HSPBAP1: variants seen among roughly 807,000 people sequenced by gnomAD.
The protein encoded by HSPBAP1 is HSPB1-associated protein 1.
A neutral mutation model predicts 45.2 loss-of-function variants in HSPBAP1; 27 were observed. The ratio of observed to expected loss-of-function variants is 0.60; its 90% CI spans 0.44 to 0.82. The LOEUF (loss-of-function observed/expected upper bound fraction) is 0.82, where lower values mean the gene tolerates loss of function less well. Among genes scored for constraint, HSPBAP1 ranks in the 40% least tolerant of loss-of-function variants. The pLI is 0.00. For missense variants in HSPBAP1, 510 were observed against 590.9 expected, an observed-to-expected ratio of 0.86 and a Z score of 1.42; for synonymous variants, 204 against 202.7, an observed-to-expected ratio of 1.01 and a Z score of -0.06.
chr3:122,759,422 GC>G, intron 3 of HSPBAP1, 62 bp from the exon 4 acceptor site: 1 of 1,511,770 alleles, frequency 6.6e-7, no homozygotes. Context: ...TGGTAATGCT[GC>G]CCATTTTCAC....
intron 4 of HSPBAP1, among the ~76,000 whole-genome samples, chr3:122,757,023 A>G (rs376344228): frequency 5.0e-4 from 76 of 152,242 alleles, no homozygotes; most frequent in African/African-American, 1.7e-3. Context: ...TAGGTCACAG[A>G]TCTCCTGGCT....
At chr3:122,750,992 C>G (rs1006719359) in intron 6 of HSPBAP1, among the ~76,000 whole-genome samples, 1 of 152,050 alleles carries the variant, frequency 6.6e-6, no homozygotes, top group Non-Finnish European at 1.5e-5. Flanking sequence ...ACCTGCCTGA[C>G]AGCAGATCAT....
intron 6 of HSPBAP1, among the ~76,000 whole-genome samples, chr3:122,744,576 G>C (rs563784169): frequency 1.4e-4 from 21 of 152,192 alleles, no homozygotes; most frequent in Non-Finnish European, 2.6e-4. Flanking sequence ...GAAAGATGTT[G>C]AAGAAGGAAC....
At chr3:122,758,008 G>A (rs868610952) in intron 4 of HSPBAP1, among the ~76,000 whole-genome samples, 1 of 152,250 alleles carries the variant, frequency 6.6e-6, no homozygotes, top group Non-Finnish European at 1.5e-5. Flanking sequence ...AAGACGGAAT[G>A]CATCAGAGAG....
At chr3:122,780,571 A>C (rs375234322) in intron 1 of HSPBAP1, among the ~76,000 whole-genome samples, 8,281 of 91,482 alleles carry the variant, frequency 0.091, 641 homozygotes, top group Middle Eastern at 0.17. Flanking sequence ...CCCCCAACTC[A>C]CTCCCGGACG....
At chr3:122,749,502 T>C (rs1336534186) in intron 6 of HSPBAP1, among the ~76,000 whole-genome samples, 3 of 152,190 alleles carry the variant, frequency 2.0e-5, no homozygotes. Context: ...CTCTTAGTGA[T>C]AGATACAGTC....
chr3:122,754,688 A>G (rs1934278858), intron 5 of HSPBAP1: 1 of 985,384 alleles, frequency 1.0e-6, no homozygotes, highest in Non-Finnish European at 1.2e-6. Context: ...AATATCAGAC[A>G]GCAAGTGCCA....
intron 1 of HSPBAP1, among the ~76,000 whole-genome samples, chr3:122,780,708 A>C (rs1935420032): frequency 6.8e-6 from 1 of 147,242 alleles, no homozygotes; most frequent in Non-Finnish European, 1.5e-5. Flanking sequence ...GAGGCTCCTC[A>C]CTTCCCAGAC....
At chr3:122,749,351 C>A (rs1025088310) in intron 6 of HSPBAP1, among the ~76,000 whole-genome samples, 1 of 151,828 alleles carries the variant, frequency 6.6e-6, no homozygotes, top group East Asian at 1.9e-4. Context: ...TAAATTAGAT[C>A]AAAATTTTAA....
chr3:122,773,190 T>G (rs902431027), intron 2 of HSPBAP1, among the ~76,000 whole-genome samples: 5 of 152,104 alleles, frequency 3.3e-5, no homozygotes, highest in African/African-American at 1.2e-4. Context: ...AAAAAAATTT[T>G]TAAACCCTAA....
At chr3:122,756,382 C>G (rs1237280771) in intron 4 of HSPBAP1, among the ~76,000 whole-genome samples, 1 of 152,150 alleles carries the variant, frequency 6.6e-6, no homozygotes, top group Non-Finnish European at 1.5e-5. Flanking sequence ...ATTCTTTACT[C>G]TTCAGTAAAC....
rs559589423 is a variant in HSPBAP1, at chr3:122,747,488, G to C, written c.825+5103C>G. Among the ~76,000 whole-genome samples the C allele has an allele frequency of 3.7e-3, 552 of 150,260 alleles. 4 individuals are homozygous for C. Among genetic ancestry groups the C allele is most frequent in the African/African-American group, 0.013 (528 of 41,004 alleles). On this transcript the variant is annotated intron_variant, in intron 6 of 7. Transcript: ENST00000306103. ...GCCGCCCTGTCTGGGAGGGAGGTCG[G>C]GGGGGTCAGCCCCCCTCCCGGCCAG... is the stretch of plus-strand genomic sequence containing the variant.
Position 122,755,342 on chromosome 3 carries a change from A to AT in HSPBAP1, c.658dup (p.Ile220AsnfsTer7). The AT allele has an allele frequency of 1.2e-6, 2 of 1,606,700 alleles. No individual in the cohort carries two copies. The highest frequency in any genetic ancestry group is 1.7e-6 in the Non-Finnish European group (2 of 1,176,496). On this transcript the variant is annotated frameshift_variant, in exon 5 of 8. Transcript: ENST00000306103. LOFTEE classifies it high-confidence loss of function. ...CTTTAAATCAGGATTGACAACATTG[A>AT]TTTTACTGAACACACTAGATTCTTC...
chr3:122,746,209 A>G (rs934666707), intron 6 of HSPBAP1, among the ~76,000 whole-genome samples: 1 of 152,132 alleles, frequency 6.6e-6, no homozygotes, highest in Non-Finnish European at 1.5e-5. Flanking sequence ...ACTTGGATAC[A>G]TGGAAAGGCA....
chr3:122,755,662 G>GA (rs1323634732), intron 4 of HSPBAP1, among the ~76,000 whole-genome samples: 31 of 150,724 alleles, frequency 2.1e-4, no homozygotes, highest in Non-Finnish European at 4.0e-4. Context: ...GGATGTCTCA[G>GA]GACATCCATG....
At chr3:122,771,648 T>C (rs1398418388) in intron 2 of HSPBAP1, among the ~76,000 whole-genome samples, 2 of 152,220 alleles carry the variant, frequency 1.3e-5, no homozygotes, top group African/African-American at 4.8e-5. Flanking sequence ...TTCAGGGTTA[T>C]TTCTACAACT....
chr3:122,764,960 C>T (rs1424649107), intron 3 of HSPBAP1, among the ~76,000 whole-genome samples: 2 of 152,172 alleles, frequency 1.3e-5, no homozygotes, highest in Non-Finnish European at 2.9e-5. Context: ...TCCCAAAATA[C>T]AGTAGATGGA....
chr3:122,740,773 G>C lies in HSPBAP1; in HGVS notation c.1039C>G (p.Leu347Val). 6.2e-7 allele frequency: 1 copy of C among 1,614,068 alleles called. No homozygotes were observed. The highest frequency in any genetic ancestry group is 8.5e-7 in the Non-Finnish European group (1 of 1,180,036). ...TTCATGTGCTCTCCATCTGTTCTCA[G>C]TGCTTGGATTTCTACTACCTCAGAT... is the stretch of plus-strand genomic sequence containing the variant. ...RTSEVVEIQALRTDGEHMKKE... is the reference protein window; with the variant it reads ...RTSEVVEIQAVRTDGEHMKKE... The change falls in exon 8 of 8, where the codon CTG becomes GTG. Residue 347 changes from leucine (L) to valine (V), a missense_variant. Physicochemically the swap from Leu to Val is conservative, Grantham distance 32. Transcript: ENST00000306103.
intron 1 of HSPBAP1, 111 bp downstream of exon 1, chr3:122,793,506 A>T: frequency 1.2e-6 from 1 of 844,302 alleles, no homozygotes; most frequent in South Asian, 1.4e-5. Context: ...GTCTAATGCA[A>T]GGCCAGAGAG....
Sources: gnomAD v4.1 joint callset for allele counts (sites outside exome capture counted in the v4.1 genomes callset) on GRCh38, gnomAD v4.1.1 for gene constraint, MANE v1.5 for transcripts, NCBI Gene and HGNC (gene_info 2026-07-23, HGNC 2026-07-21) for gene names.